Variants in TNPO3 observed in about 807,000 individuals in gnomAD.
TNPO3 encodes the protein transportin-3.
A neutral mutation model predicts 122.8 loss-of-function variants in TNPO3; 65 were observed. The ratio of observed to expected loss-of-function variants is 0.53; its 90% confidence interval spans 0.43 to 0.65. TNPO3 has a LOEUF of 0.65. TNPO3 is among the 30% of genes least tolerant of loss of function. TNPO3 has a pLI of 0.00. For synonymous variants in TNPO3, 372 were observed against 411.2 expected (o/e 0.90, Z 1.15); for missense variants, 850 against 1,136.7 (o/e 0.75, Z 3.63).
chr7:128,960,883 C>G (rs1250207991), intron 21 of TNPO3, among the ~76,000 whole-genome samples: 1 of 152,016 alleles, frequency 6.6e-6, no homozygotes, highest in Admixed American at 6.6e-5. Flanking sequence ...CCTCAGCCTC[C>G]TGAGTAGCTG....
chr7:129,014,470 C>T (rs745537894), intron 4 of TNPO3, among the ~76,000 whole-genome samples: 27 of 152,132 alleles, frequency 1.8e-4, no homozygotes, highest in Non-Finnish European at 3.2e-4. Context: ...GTGCAGTAAG[C>T]TGAGATCATG....
At chr7:129,022,728 G>C (rs980995892) in intron 1 of TNPO3, among the ~76,000 whole-genome samples, 1 of 152,104 alleles carries the variant, frequency 6.6e-6, no homozygotes, top group African/African-American at 2.4e-5. Context: ...AGAAAGAACA[G>C]GGTAAAGATG....
At chr7:129,001,030 C>T (rs760774782) in intron 6 of TNPO3, 29 bp downstream of exon 6, 1 of 1,607,200 alleles carries the variant, frequency 6.2e-7, no homozygotes, top group East Asian at 2.2e-5. Context: ...TAGGTAAACC[C>T]AGGGCTCCAG....
intron 1 of TNPO3, among the ~76,000 whole-genome samples, chr7:129,038,282 G>C (rs1294735376): frequency 1.3e-5 from 2 of 152,078 alleles, no homozygotes; most frequent in Admixed American, 6.6e-5. Flanking sequence ...TAAAATGAAA[G>C]CATTCGACAC....
At chr7:128,968,892 A>T (rs969324711) in intron 20 of TNPO3, among the ~76,000 whole-genome samples, 47 of 149,190 alleles carry the variant, frequency 3.2e-4, no homozygotes, top group African/African-American at 7.6e-4. Flanking sequence ...AAAGAAAAAA[A>T]ATTTTTTTTT....
At chr7:129,035,775 A>G (rs1431380215) in intron 1 of TNPO3, among the ~76,000 whole-genome samples, 1 of 152,142 alleles carries the variant, frequency 6.6e-6, no homozygotes, top group East Asian at 1.9e-4. Flanking sequence ...TCCTGATGTG[A>G]TTGAGTAAAA....
intron 1 of TNPO3, among the ~76,000 whole-genome samples, chr7:129,052,609 T>C (rs150980355): frequency 6.6e-6 from 1 of 152,204 alleles, no homozygotes; most frequent in African/African-American, 2.4e-5. Flanking sequence ...AATACTTAAA[T>C]AACAATTGCT....
intron 16 of TNPO3, 72 bp downstream of exon 16, chr7:128,978,911 C>T (rs1430198001): frequency 1.8e-5 from 28 of 1,564,474 alleles, no homozygotes; most frequent in African/African-American, 1.2e-4. Context: ...GGATTACAGA[C>T]GTGAGCCACC....
intron 15 of TNPO3, 33 bp from the exon 16 acceptor site, chr7:128,979,156 A>C (rs1416147642): frequency 3.7e-6 from 6 of 1,611,056 alleles, no homozygotes; most frequent in Non-Finnish European, 4.2e-6. Flanking sequence ...CAAGAAAGAA[A>C]ATAATCAACA....
At chr7:128,967,254 CCTT>C in intron 21 of TNPO3, 23 bp downstream of exon 21, 1 of 1,391,966 alleles carries the variant, frequency 7.2e-7, no homozygotes. Flanking sequence ...TCCCACACCT[CCTT>C]AAGAACCCCC....
rs1802442697 is a variant in TNPO3, at chr7:129,005,282, C to T, written c.553-123G>A. 2.1e-6 allele frequency: 2 copies of T among 947,892 alleles called. 1 individual carries two copies. Among genetic ancestry groups the T allele is most frequent in the Non-Finnish European group, 3.0e-6 (2 of 662,954 alleles). The allele number at this position is 947,892 out of a possible 1,614,324, so 58.7% of individuals were successfully genotyped here. Reference sequence around the variant, plus strand: ...ATAAAACAGCCAACGGTTAAAAGTGCTTTTTAAGTTTAAGTGTCACTGTTT... The same window carrying T: ...ATAAAACAGCCAACGGTTAAAAGTGTTTTTTAAGTTTAAGTGTCACTGTTT... On this transcript the variant is annotated intron_variant, in intron 4 of 22. Transcript: ENST00000265388.
At chr7:129,008,391 A>G (rs1802816247) in intron 4 of TNPO3, among the ~76,000 whole-genome samples, 1 of 151,720 alleles carries the variant, frequency 6.6e-6, no homozygotes, top group African/African-American at 2.4e-5. Flanking sequence ...TTTAAAAGTC[A>G]CCAGAAAACA....
At chr7:129,001,671 C>T (rs1443351969) in intron 5 of TNPO3, among the ~76,000 whole-genome samples, 1 of 152,188 alleles carries the variant, frequency 6.6e-6, no homozygotes, top group African/African-American at 2.4e-5. Context: ...TCTTTCTGAA[C>T]ATGTACTTTA....
intron 1 of TNPO3, among the ~76,000 whole-genome samples, chr7:129,047,817 T>C (rs929329818): frequency 1.3e-5 from 2 of 152,212 alleles, no homozygotes; most frequent in African/African-American, 2.4e-5. Context: ...AACACTATAG[T>C]TATTACTACA....
chr7:128,962,053 C>T (rs2128981809), intron 21 of TNPO3, among the ~76,000 whole-genome samples: 1 of 152,274 alleles, frequency 6.6e-6, no homozygotes, highest in Admixed American at 6.5e-5. Context: ...CAGCTTTCTT[C>T]AAGTTGACCA....
chr7:128,993,007 A>G (rs1040795004), intron 9 of TNPO3, among the ~76,000 whole-genome samples: 1 of 151,142 alleles, frequency 6.6e-6, no homozygotes, highest in African/African-American at 2.4e-5. Context: ...TGGCTTTCTA[A>G]GAATCCTCAA....
chr7:128,994,770 C>T (rs960393695), intron 8 of TNPO3, among the ~76,000 whole-genome samples: 3 of 152,090 alleles, frequency 2.0e-5, no homozygotes, highest in Non-Finnish European at 2.9e-5. Flanking sequence ...GCAATCCTCC[C>T]ACCTCAGCCC....
intron 1 of TNPO3, among the ~76,000 whole-genome samples, chr7:129,051,104 T>C (rs1296044351): frequency 2.0e-5 from 3 of 151,368 alleles, no homozygotes. Flanking sequence ...AGTACTGAGA[T>C]TTGAGGGTGA....
chr7:129,031,351 A>T (rs1805926631), intron 1 of TNPO3, among the ~76,000 whole-genome samples: 1 of 152,184 alleles, frequency 6.6e-6, no homozygotes. Flanking sequence ...AACTAATCAG[A>T]AATAAAAGTC....
Sources: gnomAD v4.1 joint callset for allele counts (sites outside exome capture counted in the v4.1 genomes callset) on GRCh38, gnomAD v4.1.1 for gene constraint, MANE v1.5 for transcripts, NCBI Gene and HGNC (gene_info 2026-07-23, HGNC 2026-07-21) for gene names.